The following FLRT1 variants were observed in gnomAD, a reference collection of about 807,000 sequenced individuals.
FLRT1 encodes fibronectin leucine rich transmembrane protein 1.
FLRT1 carries 14 observed loss-of-function variants against 30.9 expected under a neutral mutation model. The ratio of observed to expected loss-of-function variants is 0.45; its 90% CI spans 0.30 to 0.71. FLRT1 has a LOEUF of 0.71. Among genes scored for constraint, FLRT1 ranks in the 30% least tolerant of loss-of-function variants. The pLI is 0.08. For missense variants in FLRT1, 737 were observed against 949.2 expected (o/e 0.78, Z 2.94); for synonymous variants, 368 against 430.4 (o/e 0.85, Z 1.80).
At chr11:64,038,336 C>T (rs995596023) in intron 1 of FLRT1, among the ~76,000 whole-genome samples, 1 of 152,212 alleles carries the variant, frequency 6.6e-6, no homozygotes, top group African/African-American at 2.4e-5. Flanking sequence ...CAGGGGTTTA[C>T]AGCAGTTGTC....
At chr11:64,086,598 C>T (rs115840612) in intron 1 of FLRT1, among the ~76,000 whole-genome samples, 1,752 of 152,236 alleles carry the variant, frequency 0.012, 29 homozygotes, top group African/African-American at 0.038. Context: ...AGCGGTTCTG[C>T]GACTGGGGTG....
chr11:64,116,087 G>C, intron 2 of FLRT1, 132 bp from the exon 3 acceptor site: 1 of 907,878 alleles, frequency 1.1e-6, no homozygotes, highest in South Asian at 1.9e-5. Flanking sequence ...CCTCCAGCTT[G>C]ACCTCACCCC....
chr11:64,087,342 A>C (rs887390163), intron 1 of FLRT1, among the ~76,000 whole-genome samples: 2 of 151,540 alleles, frequency 1.3e-5, no homozygotes, highest in African/African-American at 2.4e-5. Flanking sequence ...CCTCACCCCA[A>C]CCCTGCCACC....
chr11:64,086,420 C>G (rs552771361), intron 1 of FLRT1, among the ~76,000 whole-genome samples: 1 of 152,068 alleles, frequency 6.6e-6, no homozygotes, highest in African/African-American at 2.4e-5. Flanking sequence ...CCTCCCCACC[C>G]CCAGCTTTCT....
chr11:64,057,730 G>T (rs959545206), intron 1 of FLRT1, among the ~76,000 whole-genome samples: 1 of 152,220 alleles, frequency 6.6e-6, no homozygotes, highest in African/African-American at 2.4e-5. Flanking sequence ...TCCCACAAAG[G>T]GGTGCCTGAC....
At chr11:64,048,947 G>GAGAGCCTGTC (rs1430050750) in intron 1 of FLRT1, among the ~76,000 whole-genome samples, 3 of 152,228 alleles carry the variant, frequency 2.0e-5, no homozygotes, top group Admixed American at 2.0e-4. Flanking sequence ...TGGTGTGAGG[G>GAGAGCCTGTC]AGAGCCTGTC....
At chr11:64,116,187 C>A in intron 2 of FLRT1, 32 bp from the exon 3 acceptor site, 1 of 1,512,606 alleles carries the variant, frequency 6.6e-7, no homozygotes, top group East Asian at 2.3e-5. Flanking sequence ...CGCCGCCTCC[C>A]TCTCACTGCC....
At chr11:64,083,938 G>A (rs1312456753) in intron 1 of FLRT1, among the ~76,000 whole-genome samples, 1 of 152,230 alleles carries the variant, frequency 6.6e-6, no homozygotes, top group Non-Finnish European at 1.5e-5. Context: ...CACATATGCG[G>A]CAGCCCGGCG....
chr11:64,089,557 G>A (rs574266864), intron 1 of FLRT1, among the ~76,000 whole-genome samples: 1 of 152,310 alleles, frequency 6.6e-6, no homozygotes, highest in Non-Finnish European at 1.5e-5. Flanking sequence ...CCCAGCTGCC[G>A]GGTCGGCAGC....
chr11:64,091,171 G>C (rs866023899), intron 1 of FLRT1, among the ~76,000 whole-genome samples: 1 of 142,552 alleles, frequency 7.0e-6, no homozygotes, highest in Non-Finnish European at 1.5e-5. Flanking sequence ...TGGGGAGGGG[G>C]CCTAAGACTC....
intron 1 of FLRT1, among the ~76,000 whole-genome samples, chr11:64,063,494 G>A (rs920353383): frequency 6.6e-6 from 1 of 152,102 alleles, no homozygotes; most frequent in African/African-American, 2.4e-5. Flanking sequence ...CAAGGGGTGG[G>A]GAAAGGCATC....
At chr11:64,060,876 G>T (rs543697106) in intron 1 of FLRT1, among the ~76,000 whole-genome samples, 2 of 152,234 alleles carry the variant, frequency 1.3e-5, no homozygotes, top group African/African-American at 4.8e-5. Flanking sequence ...CTCCAGGCCG[G>T]GCGTGTCAGC....
intron 1 of FLRT1, among the ~76,000 whole-genome samples, chr11:64,098,054 T>C (rs1240718681): frequency 2.0e-5 from 3 of 152,196 alleles, no homozygotes; most frequent in African/African-American, 7.2e-5. Context: ...CCCATGTCCC[T>C]GTCCCTGTTC....
Position 64,067,898 on chromosome 11 carries a change from G to A in FLRT1, c.-1038+31739G>A, listed in dbSNP as rs556527130. The stretch of plus-strand genomic sequence containing the variant: ...CTGCTGTCCATTTAGCCAGCGGTTC[G>A]CTCGGCTTTTAGGAGGGGGCTGGCG... On this transcript the variant is annotated intron_variant, in intron 1 of 2. Coordinates refer to ENST00000682287, the MANE Select transcript of FLRT1 (RefSeq NM_013280.5). This position sits in a 1 kb window ranked among gnomAD's most constrained non-coding sequence, Gnocchi z 4.6. 2.0e-5 allele frequency among the ~76,000 whole-genome samples: 3 copies of A among 152,144 alleles called. No individual in the cohort carries two copies. Among genetic ancestry groups the A allele is most frequent in the African/African-American group, 2.4e-5 (1 of 41,426 alleles).
At chr11:64,107,901 G>C (rs1590918587) in intron 2 of FLRT1, among the ~76,000 whole-genome samples, 1 of 152,214 alleles carries the variant, frequency 6.6e-6, no homozygotes, top group African/African-American at 2.4e-5. Context: ...TGCAGTTCAT[G>C]TCTGGGGCTC....
chr11:64,054,381 G>A (rs1479979410), intron 1 of FLRT1, among the ~76,000 whole-genome samples: 3 of 152,174 alleles, frequency 2.0e-5, no homozygotes, highest in Admixed American at 1.3e-4. Context: ...GAGTGCTTTC[G>A]GCAGCCAGCC....
intron 1 of FLRT1, among the ~76,000 whole-genome samples, chr11:64,062,398 C>T (rs1464430297): frequency 2.0e-5 from 3 of 152,180 alleles, no homozygotes; most frequent in Non-Finnish European, 4.4e-5. Flanking sequence ...GGTCTTATGT[C>T]TGCCTAGCCC....
At chr11:64,089,857 T>G (rs1275762765) in intron 1 of FLRT1, among the ~76,000 whole-genome samples, 3 of 152,104 alleles carry the variant, frequency 2.0e-5, no homozygotes, top group Non-Finnish European at 4.4e-5. Flanking sequence ...ATGAGGAGGA[T>G]GATGGTGCTG....
intron 1 of FLRT1, among the ~76,000 whole-genome samples, chr11:64,086,294 G>C (rs1331174439): frequency 6.6e-6 from 1 of 152,014 alleles, no homozygotes; most frequent in Non-Finnish European, 1.5e-5. Flanking sequence ...TTTAGGAGGC[G>C]TAAAGTGCAT....
Sources: allele counts gnomAD v4.1 joint callset (sites outside exome capture counted in the v4.1 genomes callset), GRCh38; gene constraint gnomAD v4.1.1; non-coding constraint Gnocchi (gnomAD v3.1); transcripts MANE v1.5; gene names NCBI Gene and HGNC (gene_info 2026-07-23, HGNC 2026-07-21).